Variants in CDKN2B-AS1 observed in about 807,000 individuals in gnomAD.
CDKN2B-AS1 encodes CDKN2B antisense RNA 1 (non-protein coding).
At chr9:22,089,875 G>C (rs983150556) in intron 4 of CDKN2B-AS1, among the ~76,000 whole-genome samples, 3 of 151,720 alleles carry the variant, frequency 2.0e-5, no homozygotes, top group Admixed American at 1.3e-4. Context: ...TGTGCACAAC[G>C]TGCAGGTTTG....
chr9:22,050,738 C>G (rs370253113), intron 3 of CDKN2B-AS1, among the ~76,000 whole-genome samples: 2 of 152,144 alleles, frequency 1.3e-5, no homozygotes, highest in African/African-American at 4.8e-5. Flanking sequence ...GCACCTAATT[C>G]GCTGGCACTG....
rs1380374048 is a variant in CDKN2B-AS1 at position 22,039,500 on chromosome 9, G to T, written n.30-7251G>T. On this transcript the variant is annotated intron_variant and non_coding_transcript_variant, in intron 1 of 4. Coordinates refer to ENST00000650946, the Ensembl canonical transcript of CDKN2B-AS1. The surrounding 1 kb of genome is among the most constrained non-coding windows in gnomAD (Gnocchi z 4.4). ...TTTTAACATCTGTGTGGATAGCATT[G>T]TTGTTGTAATATTTTGACTGTAAGC... Among the ~76,000 whole-genome samples, 1 of 151,952 alleles carries T rather than the reference G, an allele frequency of 6.6e-6. No individual in the cohort carries two copies. Among genetic ancestry groups the T allele is most frequent in the Non-Finnish European group, 1.5e-5 (1 of 67,950 alleles).
chr9:22,004,745 G>C (rs951130283), intron 1 of CDKN2B-AS1: 1 of 232,914 alleles, frequency 4.3e-6, no homozygotes, highest in Non-Finnish European at 8.5e-6. Flanking sequence ...TACTTTTTCA[G>C]CAATCTTTTG....
chr9:22,050,178 G>C (rs1329234758), intron 3 of CDKN2B-AS1, among the ~76,000 whole-genome samples: 1 of 152,168 alleles, frequency 6.6e-6, no homozygotes, highest in Non-Finnish European at 1.5e-5. Context: ...AAATGTGTAT[G>C]TACCTTCCAT....
At chr9:22,072,529 A>C (rs745437833) in intron 4 of CDKN2B-AS1, among the ~76,000 whole-genome samples, 8 of 152,346 alleles carry the variant, frequency 5.3e-5, no homozygotes, top group Admixed American at 3.3e-4. Flanking sequence ...TAAGCTATCT[A>C]AGCCTTAGTT....
At chr9:22,067,172 C>T (rs944030252) in intron 4 of CDKN2B-AS1, among the ~76,000 whole-genome samples, 2 of 152,048 alleles carry the variant, frequency 1.3e-5, no homozygotes, top group Non-Finnish European at 2.9e-5. Context: ...ATGTAATAAA[C>T]CTGCACATTG....
At chr9:22,091,226 G>GTAGTCTT (rs1825071878) in intron 4 of CDKN2B-AS1, among the ~76,000 whole-genome samples, 1 of 152,164 alleles carries the variant, frequency 6.6e-6, no homozygotes, top group African/African-American at 2.4e-5. Context: ...TTTGGTTACT[G>GTAGTCTT]TAGTCTTGTA....
chr9:22,039,631 T>A lies in CDKN2B-AS1; in HGVS notation n.30-7120T>A, dbSNP rs762713782. On this transcript the variant is annotated intron_variant and non_coding_transcript_variant, in intron 1 of 4. Transcript: ENST00000650946. This position sits in a 1 kb window ranked among gnomAD's most constrained non-coding sequence, Gnocchi z 4.4. Reference sequence around the variant, plus strand: ...CAGCTTATAGTAGTTATTTGGATAATTTATATAGTCTCTTAAAAAAACAGA... The same window carrying A: ...CAGCTTATAGTAGTTATTTGGATAAATTATATAGTCTCTTAAAAAAACAGA... Among the ~76,000 whole-genome samples the A allele has an allele frequency of 5.3e-5, 8 of 152,006 alleles. No homozygotes were observed. The highest frequency in any genetic ancestry group is 1.3e-4 in the Admixed American group (2 of 15,228).
At chr9:22,024,352 C>G (rs496892) in intron 1 of CDKN2B-AS1, among the ~76,000 whole-genome samples, 1 of 151,962 alleles carries the variant, frequency 6.6e-6, no homozygotes, top group Non-Finnish European at 1.5e-5. Flanking sequence ...TGGGTGCTAG[C>G]GGATTCAGGG....
At chr9:22,051,713 A>G (rs1823352502) in intron 3 of CDKN2B-AS1, among the ~76,000 whole-genome samples, 1 of 152,168 alleles carries the variant, frequency 6.6e-6, no homozygotes, top group Non-Finnish European at 1.5e-5. Flanking sequence ...CATTTCATAA[A>G]AAGTTGGAGA....
chr9:22,027,727 TAA>T, intron 1 of CDKN2B-AS1, among the ~76,000 whole-genome samples: 1 of 151,982 alleles, frequency 6.6e-6, no homozygotes, highest in East Asian at 1.9e-4. Flanking sequence ...TGACAAAGAG[TAA>T]AAGATTCCTG....
intron 1 of CDKN2B-AS1, chr9:22,008,687 G>C (rs750203452): frequency 1.9e-6 from 3 of 1,610,084 alleles, no homozygotes; most frequent in Non-Finnish European, 2.5e-6. Context: ...CCGGCCAACG[G>C]AGACTCCTGT....
intron 1 of CDKN2B-AS1, chr9:22,009,355 G>C (rs1220880774): frequency 1.1e-5 from 4 of 376,400 alleles, no homozygotes; most frequent in South Asian, 9.4e-5. Flanking sequence ...CAAGGGGCCG[G>C]CGTCTCCCCA....
chr9:22,101,505 A>G (rs968885435), intron 4 of CDKN2B-AS1, among the ~76,000 whole-genome samples: 4 of 152,186 alleles, frequency 2.6e-5, no homozygotes, highest in African/African-American at 9.6e-5. Flanking sequence ...TACCTGACCT[A>G]AATATCATTC....
intron 1 of CDKN2B-AS1, among the ~76,000 whole-genome samples, chr9:22,021,421 T>G (rs967238907): frequency 6.6e-6 from 1 of 152,196 alleles, no homozygotes; most frequent in African/African-American, 2.4e-5. Flanking sequence ...CTTTTTTGGT[T>G]CCATATGACT....
At chr9:22,008,711 G>A (rs1358186223) in intron 1 of CDKN2B-AS1, 2 of 1,611,414 alleles carry the variant, frequency 1.2e-6, no homozygotes, top group Admixed American at 1.7e-5. Flanking sequence ...AATCTACATC[G>A]GCGATCTAGG....
At chr9:22,111,060 A>G (rs1035215191) in intron 4 of CDKN2B-AS1, among the ~76,000 whole-genome samples, 2 of 152,116 alleles carry the variant, frequency 1.3e-5, no homozygotes, top group African/African-American at 4.8e-5. Flanking sequence ...CTTTGCTACA[A>G]TTTATTCTAC....
chr9:22,099,978 G>A (rs1010266006), intron 4 of CDKN2B-AS1, among the ~76,000 whole-genome samples: 1 of 152,074 alleles, frequency 6.6e-6, no homozygotes, highest in African/African-American at 2.4e-5. Flanking sequence ...TTGTACATTT[G>A]ATAGTTTGAA....
At chr9:22,116,965 T>C (rs1202091326) in intron 4 of CDKN2B-AS1, among the ~76,000 whole-genome samples, 1 of 152,236 alleles carries the variant, frequency 6.6e-6, no homozygotes, top group African/African-American at 2.4e-5. Context: ...AAACTTGACC[T>C]CACATAAATA....
Sources: allele counts gnomAD v4.1 joint callset (sites outside exome capture counted in the v4.1 genomes callset), GRCh38; gene constraint gnomAD v4.1.1; non-coding constraint Gnocchi (gnomAD v3.1); transcripts MANE v1.5; gene names NCBI Gene and HGNC (gene_info 2026-07-23, HGNC 2026-07-21).